The following COL24A1 variants were observed in gnomAD, a reference collection of about 807,000 sequenced individuals.
COL24A1 encodes collagen alpha-1(XXIV) chain.
COL24A1 carries 224 observed loss-of-function variants against 253.9 expected under a neutral mutation model. The ratio of observed to expected loss-of-function variants is 0.88; its 90% CI spans 0.79 to 0.99. COL24A1 has a LOEUF of 0.99. Ranked by LOEUF, COL24A1 falls within the 50% of genes least tolerant of loss-of-function variation. The pLI is 0.00. For synonymous variants in COL24A1, 685 were observed against 673.7 expected (o/e 1.02, Z -0.26); for missense variants, 2,131 against 2,068.5 (o/e 1.03, Z -0.59).
chr1:85,824,021 TC>T (rs1673943410), intron 43 of COL24A1, among the ~76,000 whole-genome samples: 1 of 152,048 alleles, frequency 6.6e-6, no homozygotes. Context: ...TATGTCCCAA[TC>T]CCCAGAATCT....
intron 24 of COL24A1, among the ~76,000 whole-genome samples, chr1:85,946,854 C>T (rs1360115650): frequency 1.3e-5 from 2 of 152,174 alleles, no homozygotes; most frequent in Non-Finnish European, 2.9e-5. Flanking sequence ...AACAGAACTA[C>T]TATTCTGTTG....
chr1:85,826,017 G>A (rs991940573), intron 43 of COL24A1, among the ~76,000 whole-genome samples: 7 of 125,992 alleles, frequency 5.6e-5, no homozygotes, highest in African/African-American at 1.7e-4. Flanking sequence ...TGTCCTGAAC[G>A]GTAATGCCTA....
intron 46 of COL24A1, among the ~76,000 whole-genome samples, chr1:85,817,371 T>C (rs1224620932): frequency 2.6e-5 from 4 of 152,146 alleles, no homozygotes; most frequent in Non-Finnish European, 5.9e-5. Flanking sequence ...ACATTTTGTT[T>C]CTACACTTGG....
At chr1:86,102,370 A>G (rs1704546384) in intron 5 of COL24A1, among the ~76,000 whole-genome samples, 1 of 151,996 alleles carries the variant, frequency 6.6e-6, no homozygotes. Context: ...ATGATTTTGC[A>G]TGTCTCAATC....
At chr1:86,095,920 C>T (rs1317910476) in intron 5 of COL24A1, among the ~76,000 whole-genome samples, 3 of 152,028 alleles carry the variant, frequency 2.0e-5, no homozygotes, top group East Asian at 1.9e-4. Context: ...AGAGGGCCCT[C>T]GGTCTAGGGA....
At position 85,971,542 on chromosome 1, in the gene COL24A1, CAG is replaced by C. The variant is rs1195946858; in HGVS notation, c.2365-151_2365-150del. On this transcript the variant is annotated intron_variant, in intron 20 of 59. Coordinates refer to ENST00000370571, the MANE Select transcript of COL24A1 (RefSeq NM_152890.7). Reference sequence around the variant, plus strand: ...CAAAATGGGTTGCAGTATGGGCAAACAGAAAACTACTGGGCATCTAAAAATAT... The same window carrying C: ...CAAAATGGGTTGCAGTATGGGCAAACAAAACTACTGGGCATCTAAAAATAT... 2.7e-4 allele frequency: 165 copies of C among 616,144 alleles called. 1 individual carries two copies. Among genetic ancestry groups the C allele is most frequent in the Non-Finnish European group, 4.5e-5 (16 of 354,994 alleles). The allele number at this position is 616,144 out of a possible 1,614,324, so 38.2% of individuals were successfully genotyped here.
intron 55 of COL24A1, among the ~76,000 whole-genome samples, chr1:85,758,183 T>A (rs999892566): frequency 2.0e-5 from 3 of 152,126 alleles, no homozygotes; most frequent in African/African-American, 7.2e-5. Context: ...GATCACTGGA[T>A]GGTGAAAATG....
chr1:85,872,450 GA>G (rs1680634311), intron 35 of COL24A1, among the ~76,000 whole-genome samples: 1 of 152,020 alleles, frequency 6.6e-6, no homozygotes, highest in Non-Finnish European at 1.5e-5. Context: ...AACTATACCA[GA>G]AGGCTACTGT....
chr1:85,836,994 T>C (rs1224553720), intron 43 of COL24A1, among the ~76,000 whole-genome samples: 1 of 152,224 alleles, frequency 6.6e-6, no homozygotes, highest in Non-Finnish European at 1.5e-5. Flanking sequence ...GAATGTTCTG[T>C]AGCTGGTAGA....
chr1:85,805,773 T>C (rs1294336836), intron 47 of COL24A1, among the ~76,000 whole-genome samples: 1 of 152,212 alleles, frequency 6.6e-6, no homozygotes, highest in Non-Finnish European at 1.5e-5. Context: ...GAAGAAATTC[T>C]ATTAGAAAAT....
In COL24A1 at chr1:85,744,678, T is replaced by G; in HGVS notation, c.4660A>C (p.Lys1554Gln). The change falls in exon 57 of 60, where the codon AAA becomes CAA. Residue 1554 changes from lysine (K) to glutamine (Q), a missense_variant. Physicochemically the swap from Lys to Gln is moderately conservative, Grantham distance 53. Transcript: ENST00000370571. ...ICKDLLNCEQ[K>Q]VSDGKYWIDP... Reference sequence around the variant, plus strand: ...ACCAAGAACTTACCATCTGATACTTTTTGTTCACAGTTAAGTAAATCTTTG... The same window carrying G: ...ACCAAGAACTTACCATCTGATACTTGTTGTTCACAGTTAAGTAAATCTTTG... 1 of 1,606,070 alleles carries G rather than the reference T, an allele frequency of 6.2e-7. No homozygotes were observed. The highest frequency in any genetic ancestry group is 8.5e-7 in the Non-Finnish European group (1 of 1,176,754).
chr1:85,784,117 G>A lies in COL24A1; in HGVS notation c.4217C>T (p.Pro1406Leu), dbSNP rs768168420. ...GAAGAAAGTATGTAAACATACTTTAGGGCCTGGGAATCCTTGGAAACCTGT... is the reference window on the plus strand; with the variant it reads ...GAAGAAAGTATGTAAACATACTTTAAGGCCTGGGAATCCTTGGAAACCTGT... ...GLTGFQGFPG[P>L]KGPEGDAGIV... Residue 1406 changes from proline to leucine, a missense_variant, in exon 50 of 60, where the codon CCT becomes CTT. Pro to Leu is a moderately conservative substitution (Grantham distance 98). Coordinates refer to ENST00000370571, the MANE Select transcript of COL24A1 (RefSeq NM_152890.7). 2.0e-5 allele frequency: 32 copies of A among 1,611,688 alleles called. No homozygotes were observed. The highest frequency in any genetic ancestry group is 1.3e-4 in the Admixed American group (8 of 59,890).
At chr1:85,838,500 T>A in intron 43 of COL24A1, 85 bp downstream of exon 43, 1 of 1,180,228 alleles carries the variant, frequency 8.5e-7, no homozygotes, top group South Asian at 1.2e-5. Flanking sequence ...TTACTAATTA[T>A]CTCAATAATG....
chr1:86,029,699 T>A (rs943182429), intron 14 of COL24A1, among the ~76,000 whole-genome samples: 2 of 151,192 alleles, frequency 1.3e-5, no homozygotes, highest in African/African-American at 4.9e-5. Flanking sequence ...CACTGCTGCC[T>A]CTAACTCCTG....
At chr1:86,049,462 A>T (rs72960320) in intron 11 of COL24A1, among the ~76,000 whole-genome samples, 115 of 152,294 alleles carry the variant, frequency 7.6e-4, no homozygotes, top group African/African-American at 2.5e-3. Flanking sequence ...TGACTCTCTA[A>T]TTTCAAATTC....
At chr1:85,955,847 C>T (rs1690406242) in intron 24 of COL24A1, among the ~76,000 whole-genome samples, 1 of 152,168 alleles carries the variant, frequency 6.6e-6, no homozygotes, top group South Asian at 2.1e-4. Context: ...CAAAGTCTTT[C>T]CTATTTCTAT....
chr1:85,991,741 C>A (rs1483038609), intron 19 of COL24A1, among the ~76,000 whole-genome samples: 1 of 151,840 alleles, frequency 6.6e-6, no homozygotes, highest in Non-Finnish European at 1.5e-5. Flanking sequence ...GTGGTAAGGT[C>A]AAGGATAATA....
At chr1:85,899,788 G>T (rs1199973063) in intron 28 of COL24A1, among the ~76,000 whole-genome samples, 2 of 152,148 alleles carry the variant, frequency 1.3e-5, no homozygotes, top group Non-Finnish European at 2.9e-5. Flanking sequence ...CCAGTTTCTT[G>T]TTTGGGCACA....
chr1:85,824,354 A>G (rs1182404683), intron 43 of COL24A1, among the ~76,000 whole-genome samples: 1 of 152,214 alleles, frequency 6.6e-6, no homozygotes, highest in Non-Finnish European at 1.5e-5. Flanking sequence ...AGAAAATTAC[A>G]TATCTATTGT....
Sources: gnomAD v4.1 joint callset for allele counts (sites outside exome capture counted in the v4.1 genomes callset) on GRCh38, gnomAD v4.1.1 for gene constraint, MANE v1.5 for transcripts, NCBI Gene and HGNC (gene_info 2026-07-23, HGNC 2026-07-21) for gene names.